Variants in RFX2 observed in about 807,000 individuals in gnomAD.
RFX2 encodes regulatory factor X2, also known as DNA-binding protein RFX2.
In RFX2, 20 loss-of-function variants were observed where a neutral mutation model predicts 87.8. The observed-to-expected ratio is 0.23, with a 90% CI of 0.16 to 0.33. The LOEUF is 0.33. Among genes scored for constraint, RFX2 ranks in the 10% least tolerant of loss-of-function variants. The pLI is 1.00. For missense variants in RFX2, 767 were observed against 1,012.3 expected (o/e 0.76, Z 3.29); for synonymous variants, 397 against 431.3 (o/e 0.92, Z 0.98).
In RFX2 at chr19:6,007,188, G is replaced by A; in HGVS notation, c.1248-22C>T. Reference sequence around the variant, plus strand: ...GTCACTGTGGAGGGAGGGGGGACAGGTGAGCTGTGGCCTGGCCCAGGTGGG... The same window carrying A: ...GTCACTGTGGAGGGAGGGGGGACAGATGAGCTGTGGCCTGGCCCAGGTGGG... On this transcript the variant is annotated intron_variant, in intron 11 of 17. Transcript: ENST00000303657. The surrounding 1 kb of genome is among the most constrained non-coding windows in gnomAD (Gnocchi z 8.2). The A allele has an allele frequency of 6.2e-7, 1 of 1,609,614 alleles. No individual in the cohort carries two copies.
In RFX2 at chr19:5,999,197, A is replaced by C. The variant is rs1053135576; in HGVS notation, c.1860-1984T>G. ...CTTGAACCCGGGAAGGGGAGGTTGC[A>C]GTGAGCCGAGATCGCACCATTGCAC... is the stretch of plus-strand genomic sequence containing the variant. On this transcript the variant is annotated intron_variant, in intron 15 of 17. Coordinates refer to ENST00000303657, the MANE Select transcript of RFX2 (RefSeq NM_000635.4). This position sits in a 1 kb window ranked among gnomAD's most constrained non-coding sequence, Gnocchi z 4.1. 2.0e-5 allele frequency among the ~76,000 whole-genome samples: 3 copies of C among 152,202 alleles called. No homozygotes were observed. Among genetic ancestry groups the C allele is most frequent in the Admixed American group, 1.3e-4 (2 of 15,278 alleles).
rs1475824209 is a variant in RFX2, at chr19:6,001,638, G to A, written c.1859+177C>T. On this transcript the variant is annotated intron_variant, in intron 15 of 17. Coordinates refer to ENST00000303657, the MANE Select transcript of RFX2 (RefSeq NM_000635.4). The surrounding 1 kb of genome is among the most constrained non-coding windows in gnomAD (Gnocchi z 5.6). ...CCTTCTGGGCCTGCCCCTGGGAGCC[G>A]CTGGTCATGAGTGAGGCCCCCAGCC... is the stretch of plus-strand genomic sequence containing the variant. 3.3e-5 allele frequency among the ~76,000 whole-genome samples: 5 copies of A among 152,164 alleles called. No homozygotes were observed. The highest frequency in any genetic ancestry group is 5.9e-5 in the Non-Finnish European group (4 of 68,024).
intron 1 of RFX2, among the ~76,000 whole-genome samples, chr19:6,094,478 A>G (rs945412664): frequency 1.3e-5 from 2 of 152,176 alleles, no homozygotes; most frequent in African/African-American, 4.8e-5. Context: ...CGCTACTCAG[A>G]CTTTGTCAGT....
chr19:6,091,473 A>G (rs2087934543), intron 1 of RFX2, among the ~76,000 whole-genome samples: 1 of 151,910 alleles, frequency 6.6e-6, no homozygotes, highest in Non-Finnish European at 1.5e-5. Flanking sequence ...GGTGAATTGT[A>G]TGTGAATTTT....
At chr19:6,107,708 T>G (rs2088240612) in intron 1 of RFX2, among the ~76,000 whole-genome samples, 1 of 151,894 alleles carries the variant, frequency 6.6e-6, no homozygotes, top group African/African-American at 2.4e-5. Context: ...TTTAATATTT[T>G]TATTAATTAT....
chr19:6,034,822 C>A (rs940798251), intron 5 of RFX2, among the ~76,000 whole-genome samples: 1 of 152,208 alleles, frequency 6.6e-6, no homozygotes, highest in African/African-American at 2.4e-5. Flanking sequence ...TGAACCTTTT[C>A]TAGTTCTGAG....
chr19:6,102,655 C>G (rs912648349), intron 1 of RFX2, among the ~76,000 whole-genome samples: 5 of 152,228 alleles, frequency 3.3e-5, no homozygotes, highest in Non-Finnish European at 7.3e-5. Flanking sequence ...CCTGCTGCCC[C>G]CTTCCTGGAA....
chr19:6,052,604 C>A (rs1165229267), intron 1 of RFX2, among the ~76,000 whole-genome samples: 1 of 152,102 alleles, frequency 6.6e-6, no homozygotes, highest in Non-Finnish European at 1.5e-5. Flanking sequence ...TTTTCAAATG[C>A]ACATGGAATA....
chr19:6,103,771 C>T (rs989900190), intron 1 of RFX2, among the ~76,000 whole-genome samples: 1 of 152,062 alleles, frequency 6.6e-6, no homozygotes, highest in Non-Finnish European at 1.5e-5. Context: ...AGGGAATTTC[C>T]TACCCTAAAA....
chr19:6,030,893 T>C (rs532628256), intron 5 of RFX2, among the ~76,000 whole-genome samples: 1 of 152,362 alleles, frequency 6.6e-6, no homozygotes, highest in East Asian at 1.9e-4. Context: ...ATGAGTTTAC[T>C]GAGTTTGCAG....
intron 1 of RFX2, among the ~76,000 whole-genome samples, chr19:6,084,289 G>A (rs2087825254): frequency 6.6e-6 from 1 of 152,308 alleles, no homozygotes; most frequent in African/African-American, 2.4e-5. Context: ...ACCATAAAAA[G>A]CATATGCCTC....
chr19:6,027,014 C>T lies in RFX2; in HGVS notation c.523-777G>A, dbSNP rs1434055153. 1 of 152,242 alleles carries T rather than the reference C, an allele frequency of 6.6e-6. No homozygotes were observed. The highest frequency in any genetic ancestry group is 2.4e-5 in the African/African-American group (1 of 41,428). The allele number at this position is 152,242 out of a possible 1,614,324, so 9.4% of individuals were successfully genotyped here. ...GGAGGCACACAGCTGTGCGTGGCCACTAAGGCATTCGCACGCATTTGGTTT... is the reference window on the plus strand; with the variant it reads ...GGAGGCACACAGCTGTGCGTGGCCATTAAGGCATTCGCACGCATTTGGTTT... On this transcript the variant is annotated intron_variant, in intron 5 of 17. Coordinates refer to ENST00000303657, the MANE Select transcript of RFX2 (RefSeq NM_000635.4). The surrounding 1 kb of genome is among the most constrained non-coding windows in gnomAD (Gnocchi z 5.0).
rs745964622 is a variant in RFX2 at position 6,007,164 on chromosome 19, T to C, written c.1250A>G (p.Asp417Gly). The change falls in exon 12 of 18, where the codon GAC (aspartate) becomes GGC (glycine). Residue 417 changes from aspartate (D) to glycine (G), a missense_variant and splice_region_variant. Physicochemically the swap from Asp to Gly is moderately conservative, Grantham distance 94. Coordinates refer to ENST00000303657, the MANE Select transcript of RFX2 (RefSeq NM_000635.4). This position sits in a 1 kb window ranked among gnomAD's most constrained non-coding sequence, Gnocchi z 8.2. ...SDGPTSLPAS[D>G]EDPEGAVLPK... is the part of the protein sequence containing the mutation. ...CAGGACGGCGCCCTCGGGGTCTTCG[T>C]CACTGTGGAGGGAGGGGGGACAGGT... The C allele has an allele frequency of 3.1e-6, 5 of 1,613,290 alleles. No homozygotes were observed. The South Asian group carries it at 5.5e-5, about 18-fold the overall frequency.
chr19:6,070,634 G>A (rs1012674499), intron 1 of RFX2, among the ~76,000 whole-genome samples: 7 of 152,076 alleles, frequency 4.6e-5, no homozygotes, highest in African/African-American at 1.7e-4. Context: ...CCACCCCATG[G>A]TCCCACCTCA....
rs963539123 is a variant in RFX2, at chr19:6,107,071, G to A, written c.-9+3322C>T. The stretch of plus-strand genomic sequence containing the variant: ...AGCACTTTGGGAGGCCAAGGTGGGC[G>A]GATCACATGGTCAGGAGATCGAGAC... On this transcript the variant is annotated intron_variant, in intron 1 of 17. Coordinates refer to ENST00000303657, the MANE Select transcript of RFX2 (RefSeq NM_000635.4). Among the ~76,000 whole-genome samples the A allele has an allele frequency of 3.9e-5, 6 of 151,932 alleles. No homozygotes were observed. The East Asian group carries it at 5.8e-4, about 15-fold the overall frequency.
rs1888195793 is a variant in RFX2 at position 5,993,530 on chromosome 19, A to G, written c.*1305T>C. ...TGGGACTGAATATACTGCAATGTACACATTCATAAGAAACGTTCTAATAAC... is the reference window on the plus strand; with the variant it reads ...TGGGACTGAATATACTGCAATGTACGCATTCATAAGAAACGTTCTAATAAC... On this transcript the variant is annotated 3_prime_UTR_variant, in exon 18 of 18. Transcript: ENST00000303657. 6.6e-6 allele frequency: 1 copy of G among 152,286 alleles called. No homozygotes were observed. Among genetic ancestry groups the G allele is most frequent in the Non-Finnish European group, 1.5e-5 (1 of 68,056 alleles). 9.4% of individuals were successfully genotyped at this position (152,286 alleles called of 1,614,324 possible).
At chr19:6,041,414 G>A (rs747108886) in intron 4 of RFX2, among the ~76,000 whole-genome samples, 3 of 152,188 alleles carry the variant, frequency 2.0e-5, no homozygotes, top group Non-Finnish European at 4.4e-5. Flanking sequence ...CACGGGAGAT[G>A]CATACTTTCC....
At chr19:6,073,041 G>A (rs1430594722) in intron 1 of RFX2, 2 of 482,568 alleles carry the variant, frequency 4.1e-6, no homozygotes, top group Non-Finnish European at 7.5e-6. Flanking sequence ...GTGCAGTGGT[G>A]CGATCTCAGC....
At chr19:6,043,909 GA>G (rs1484903622) in intron 3 of RFX2, among the ~76,000 whole-genome samples, 4 of 152,186 alleles carry the variant, frequency 2.6e-5, no homozygotes, top group African/African-American at 9.7e-5. Flanking sequence ...ATTTCTACCT[GA>G]GCTCCACCCA....
Sources: gnomAD v4.1 joint callset for allele counts (sites outside exome capture counted in the v4.1 genomes callset) on GRCh38, gnomAD v4.1.1 for gene constraint, Gnocchi (gnomAD v3.1) non-coding constraint, MANE v1.5 for transcripts, NCBI Gene and HGNC (gene_info 2026-07-23, HGNC 2026-07-21) for gene names.